Variants in RALGAPA2 observed in about 807,000 individuals in gnomAD.
The protein encoded by RALGAPA2 is ral GTPase-activating protein subunit alpha-2.
A neutral mutation model predicts 230.4 loss-of-function variants in RALGAPA2; 139 were observed. The observed-to-expected ratio is 0.60, with a 90% CI of 0.53 to 0.69. The LOEUF is 0.69. Among genes scored for constraint, RALGAPA2 ranks in the 30% least tolerant of loss-of-function variants. RALGAPA2 has a pLI of 0.00. For missense variants in RALGAPA2, 2,163 were observed against 2,276.0 expected (o/e 0.95, Z 1.01); for synonymous variants, 847 against 837.8 (o/e 1.01, Z -0.19).
chr20:20,506,636 C>T (rs2062544372), intron 33 of RALGAPA2, among the ~76,000 whole-genome samples: 1 of 152,118 alleles, frequency 6.6e-6, no homozygotes, highest in Non-Finnish European at 1.5e-5. Flanking sequence ...ATAGGAATAA[C>T]TGTCAAGTTC....
At chr20:20,453,421 T>G (rs2061035898) in intron 37 of RALGAPA2, among the ~76,000 whole-genome samples, 3 of 152,128 alleles carry the variant, frequency 2.0e-5, no homozygotes, top group South Asian at 4.2e-4. Context: ...TGTGCACATC[T>G]GGGTGCTGTG....
intron 30 of RALGAPA2, 60 bp downstream of exon 30, chr20:20,524,346 T>C (rs1310174881): frequency 1.3e-6 from 2 of 1,584,910 alleles, no homozygotes; most frequent in East Asian, 4.5e-5. Flanking sequence ...AGACATATTT[T>C]GGTGGTTCTC....
At chr20:20,504,947 C>T in intron 34 of RALGAPA2, 1 of 965,012 alleles carries the variant, frequency 1.0e-6, no homozygotes, top group Non-Finnish European at 1.2e-6. Flanking sequence ...ATCCTGAAAT[C>T]TACCTTAGGG....
At chr20:20,577,348 GA>G (rs2064852744) in intron 20 of RALGAPA2, among the ~76,000 whole-genome samples, 1 of 152,080 alleles carries the variant, frequency 6.6e-6, no homozygotes, top group Non-Finnish European at 1.5e-5. Context: ...AAGATCCCAA[GA>G]CACACATAAA....
chr20:20,574,430 T>C (rs1408570956), intron 20 of RALGAPA2, among the ~76,000 whole-genome samples: 1 of 152,242 alleles, frequency 6.6e-6, no homozygotes, highest in Non-Finnish European at 1.5e-5. Context: ...ATGATTTACA[T>C]GTATATCTAA....
At chr20:20,624,028 C>T (rs2066406932) in intron 10 of RALGAPA2, among the ~76,000 whole-genome samples, 2 of 152,092 alleles carry the variant, frequency 1.3e-5, no homozygotes, top group South Asian at 4.1e-4. Flanking sequence ...CTGCTCTTTA[C>T]ACCTAAAGGA....
At chr20:20,592,449 T>C (rs942912058) in intron 16 of RALGAPA2, among the ~76,000 whole-genome samples, 1 of 152,162 alleles carries the variant, frequency 6.6e-6, no homozygotes, top group African/African-American at 2.4e-5. Flanking sequence ...TCATCCCTCC[T>C]TACCATGCTG....
intron 37 of RALGAPA2, among the ~76,000 whole-genome samples, chr20:20,431,392 T>TACA (rs1282550998): frequency 6.6e-6 from 1 of 151,994 alleles, no homozygotes; most frequent in Non-Finnish European, 1.5e-5. Flanking sequence ...CAGAGATCTG[T>TACA]ACAGAAAGCC....
chr20:20,412,179 C>T (rs767726247), intron 37 of RALGAPA2, 31 bp from the exon 38 acceptor site: 114 of 1,611,440 alleles, frequency 7.1e-5, no homozygotes, highest in Admixed American at 5.3e-4. Context: ...AACAAGTGCA[C>T]GTGCAAAGTG....
At chr20:20,640,398 A>C (rs570845662) in intron 6 of RALGAPA2, among the ~76,000 whole-genome samples, 1 of 152,358 alleles carries the variant, frequency 6.6e-6, no homozygotes, top group East Asian at 1.9e-4. Context: ...GTTTAATCTC[A>C]TTAACAGCCA....
intron 10 of RALGAPA2, 81 bp from the exon 11 acceptor site, chr20:20,620,711 A>G: frequency 8.4e-7 from 1 of 1,194,496 alleles, no homozygotes; most frequent in Non-Finnish European, 1.1e-6. Context: ...ATTCCCAATG[A>G]GCATCACCCA....
At chr20:20,652,933 T>TA (rs1190920686) in intron 4 of RALGAPA2, among the ~76,000 whole-genome samples, 1 of 152,070 alleles carries the variant, frequency 6.6e-6, no homozygotes, top group Non-Finnish European at 1.5e-5. Flanking sequence ...GGCTTACACC[T>TA]ATAATCCCAG....
chr20:20,712,497 CGGG>C lies in RALGAPA2; in HGVS notation c.-20_-18del. 9 of 1,540,496 alleles carry C rather than the reference CGGG, an allele frequency of 5.8e-6. No homozygotes were observed. The highest frequency in any genetic ancestry group is 7.9e-6 in the Non-Finnish European group (9 of 1,142,458). ...GGAGAACATCCCGCGGCAGGAAGCC[CGGG>C]CCCCGCCGGCGGGGCAGTAGGCGCC... On this transcript the variant is annotated 5_prime_UTR_variant, in exon 1 of 40. Transcript: ENST00000202677. This position sits in a 1 kb window ranked among gnomAD's most constrained non-coding sequence, Gnocchi z 5.5.
intron 37 of RALGAPA2, among the ~76,000 whole-genome samples, chr20:20,434,833 G>A (rs952752666): frequency 1.3e-5 from 2 of 152,148 alleles, no homozygotes; most frequent in Non-Finnish European, 2.9e-5. Flanking sequence ...TTACTTGGGA[G>A]GATGAGGCTG....
At chr20:20,524,577 C>T (rs372367719) in intron 29 of RALGAPA2, 34 bp from the exon 30 acceptor site, 2 of 1,613,068 alleles carry the variant, frequency 1.2e-6, no homozygotes, top group Non-Finnish European at 1.7e-6. Flanking sequence ...GCTTATGCTG[C>T]AGTCTCTTAA....
chr20:20,679,266 A>G (rs187728018), intron 2 of RALGAPA2, among the ~76,000 whole-genome samples: 182 of 152,130 alleles, frequency 1.2e-3, no homozygotes, highest in South Asian at 4.4e-3. Flanking sequence ...GCACCTCACA[A>G]AGCAGACTCA....
chr20:20,439,173 T>G (rs768270959), intron 37 of RALGAPA2, among the ~76,000 whole-genome samples: 1 of 152,084 alleles, frequency 6.6e-6, no homozygotes, highest in Non-Finnish European at 1.5e-5. Flanking sequence ...TACACAGAGA[T>G]GCCACAGACC....
At chr20:20,411,998 C>A (rs377231891) in intron 38 of RALGAPA2, 29 bp downstream of exon 38, 1 of 1,613,400 alleles carries the variant, frequency 6.2e-7, no homozygotes, top group Admixed American at 1.7e-5. Context: ...GTCTTAAGCG[C>A]GTGAGAGAAG....
At chr20:20,621,936 C>T (rs1053238169) in intron 10 of RALGAPA2, among the ~76,000 whole-genome samples, 2 of 152,214 alleles carry the variant, frequency 1.3e-5, no homozygotes, top group Non-Finnish European at 2.9e-5. Flanking sequence ...GTTGCTGGCA[C>T]TTGTTTTAAT....
Sources: allele counts gnomAD v4.1 joint callset (sites outside exome capture counted in the v4.1 genomes callset), GRCh38; gene constraint gnomAD v4.1.1; non-coding constraint Gnocchi (gnomAD v3.1); transcripts MANE v1.5; gene names NCBI Gene and HGNC (gene_info 2026-07-23, HGNC 2026-07-21).